The following KALRN variants were observed in gnomAD, a reference collection of about 807,000 sequenced individuals.
KALRN encodes kalirin RhoGEF kinase.
In KALRN, 70 loss-of-function variants were observed where a neutral mutation model predicts 353.7. The observed-to-expected ratio is 0.20, with a 90% confidence interval of 0.16 to 0.24. KALRN has a LOEUF of 0.24. Ranked by LOEUF, KALRN falls within the 10% of genes least tolerant of loss-of-function variation. The probability of loss-of-function intolerance (pLI) is 1.00; values close to 1 mark genes in which losing one functional copy is unlikely to be tolerated. For synonymous variants in KALRN, 1,391 were observed against 1,434.8 expected (o/e 0.97, Z 0.69); for missense variants, 2,791 against 3,756.7 (o/e 0.74, Z 6.72).
At chr3:124,431,547 G>A (rs2093278662) in intron 16 of KALRN, among the ~76,000 whole-genome samples, 1 of 152,082 alleles carries the variant, frequency 6.6e-6, no homozygotes, top group South Asian at 2.1e-4. Context: ...GAAATGGGAC[G>A]TGGGAACTAT....
chr3:124,486,487 GAT>G (rs2062585698), intron 28 of KALRN, among the ~76,000 whole-genome samples: 2 of 152,250 alleles, frequency 1.3e-5, no homozygotes, highest in South Asian at 4.1e-4. Context: ...GCTGAGCACT[GAT>G]CACTTCTCCC....
At position 124,505,177 on chromosome 3, in the gene KALRN, A is replaced by G. The variant is rs1409083423; in HGVS notation, c.4935+8764A>G. Among the ~76,000 whole-genome samples the G allele has an allele frequency of 3.3e-5, 5 of 152,194 alleles. No homozygotes were observed. The East Asian group carries it at 7.7e-4, about 23-fold the overall frequency. On this transcript the variant is annotated intron_variant, in intron 33 of 59. Coordinates refer to ENST00000682506, the MANE Select transcript of KALRN (RefSeq NM_001388419.1). ...AAAAGTTATTTTCATATAGAACAAAATGACTGAATCCACATTGTCAAAACT... is the reference window on the plus strand; with the variant it reads ...AAAAGTTATTTTCATATAGAACAAAGTGACTGAATCCACATTGTCAAAACT...
intron 1 of KALRN, chr3:124,152,125 C>G: frequency 7.7e-7 from 1 of 1,295,794 alleles, no homozygotes; most frequent in Non-Finnish European, 1.1e-6. Flanking sequence ...CATTATAGAT[C>G]TCATGAATCA....
chr3:124,097,163 G>A (rs1351613598), intron 1 of KALRN, among the ~76,000 whole-genome samples: 1 of 152,238 alleles, frequency 6.6e-6, no homozygotes, highest in Non-Finnish European at 1.5e-5. Context: ...TTCAGTTATA[G>A]CAACTTTCCT....
At chr3:124,160,072 A>G (rs892205317) in intron 1 of KALRN, among the ~76,000 whole-genome samples, 4 of 151,602 alleles carry the variant, frequency 2.6e-5, no homozygotes, top group Non-Finnish European at 5.9e-5. Flanking sequence ...GTTCATATCT[A>G]TCTGAAATCT....
chr3:124,355,794 C>T (rs567057064), intron 10 of KALRN, among the ~76,000 whole-genome samples: 2 of 144,734 alleles, frequency 1.4e-5, no homozygotes, highest in East Asian at 4.1e-4. Flanking sequence ...TGGCTCACTG[C>T]AATCTCTGCC....
intron 14 of KALRN, 134 bp downstream of exon 14, chr3:124,413,799 A>C: frequency 1.3e-6 from 1 of 784,118 alleles, no homozygotes; most frequent in Non-Finnish European, 2.0e-6. Flanking sequence ...TTTTACCCAC[A>C]TTTTTTTTAA....
intron 13 of KALRN, among the ~76,000 whole-genome samples, chr3:124,400,048 A>G (rs1052896628): frequency 6.6e-6 from 1 of 152,156 alleles, no homozygotes; most frequent in East Asian, 1.9e-4. Flanking sequence ...TTTCCATTCC[A>G]ACCATCTCTC....
intron 43 of KALRN, 49 bp from the exon 44 acceptor site, chr3:124,660,874 A>G: frequency 7.7e-7 from 1 of 1,298,222 alleles, no homozygotes; most frequent in East Asian, 2.3e-5. Context: ...CAGCTATTTT[A>G]CTAATTTTAC....
At chr3:124,047,903 A>G (rs1318999520) in intron 1 of KALRN, among the ~76,000 whole-genome samples, 1 of 152,170 alleles carries the variant, frequency 6.6e-6, no homozygotes, top group East Asian at 1.9e-4. Flanking sequence ...TAAAGGATAG[A>G]AAAGCCACTG....
At position 124,081,163 on chromosome 3, in the gene KALRN, G is replaced by C. The variant is rs557207720; in HGVS notation, c.73+47350G>C. Among the ~76,000 whole-genome samples the C allele has an allele frequency of 2.6e-5, 4 of 152,320 alleles. No individual in the cohort carries two copies. The South Asian group carries it at 8.3e-4, about 32-fold the overall frequency. ...CTATGACATTCTCCTGTCTACTGTA[G>C]CGGGACTGTCATGGAGGGAAATGAG... On this transcript the variant is annotated intron_variant, in intron 1 of 59. Coordinates refer to ENST00000682506, the MANE Select transcript of KALRN (RefSeq NM_001388419.1).
chr3:124,640,362 CT>C (rs1321677312), intron 37 of KALRN, among the ~76,000 whole-genome samples: 1 of 147,458 alleles, frequency 6.8e-6, no homozygotes, highest in Non-Finnish European at 1.5e-5. Context: ...TCTCGGTTCT[CT>C]GCAACCTCCA....
At position 124,211,713 on chromosome 3, in the gene KALRN, C is replaced by A. The variant is rs1021897178; in HGVS notation, c.74-16277C>A. ...TCTTCATCGCTGCATGATGAGGACT[C>A]ATACCTCTTGGTGACATGTCCTTTC... On this transcript the variant is annotated intron_variant, in intron 1 of 59. Transcript: ENST00000682506. Among the ~76,000 whole-genome samples, 4 of 152,296 alleles carry A rather than the reference C, an allele frequency of 2.6e-5. 1 individual carries two copies. The Middle Eastern group carries it at 0.01, about 389-fold the overall frequency.
chr3:124,259,853 A>G (rs1159321837), intron 3 of KALRN, among the ~76,000 whole-genome samples: 1 of 152,190 alleles, frequency 6.6e-6, no homozygotes, highest in African/African-American at 2.4e-5. Context: ...ACAGGTTTAA[A>G]TAGGGTTGTC....
chr3:124,229,698 T>TG (rs2078950287), intron 2 of KALRN, among the ~76,000 whole-genome samples: 1 of 152,226 alleles, frequency 6.6e-6, no homozygotes, highest in African/African-American at 2.4e-5. Context: ...AGCCTGATGA[T>TG]TCAGAGTGTA....
At chr3:124,478,265 C>T (rs2061613487) in intron 27 of KALRN, among the ~76,000 whole-genome samples, 1 of 152,158 alleles carries the variant, frequency 6.6e-6, no homozygotes, top group Non-Finnish European at 1.5e-5. Context: ...TAAAGGTTAT[C>T]TGTCTATATG....
intron 12 of KALRN, among the ~76,000 whole-genome samples, chr3:124,396,326 T>A (rs2090152589): frequency 6.6e-6 from 1 of 152,196 alleles, no homozygotes; most frequent in African/African-American, 2.4e-5. Flanking sequence ...GGCCCTGGCA[T>A]GTTTTTCTGT....
At chr3:124,277,994 C>CTGTGTGTG (rs1437193234) in intron 5 of KALRN, among the ~76,000 whole-genome samples, 58 of 75,578 alleles carry the variant, frequency 7.7e-4, no homozygotes, top group Middle Eastern at 6.7e-3. Flanking sequence ...CAGAGATGAA[C>CTGTGTGTG]TATGTGTGTG....
rs1161615057 is a variant in KALRN at position 124,496,315 on chromosome 3, G to C, written c.4837G>C (p.Gly1613Arg). ...AKQRNNSKRD[G>R]VEDIDSQGDG... ...TTTTTTCTCTTCTTCCTGCAGGGATGGAGTGGAGGATATTGACAGCCAGGG... is the reference window on the plus strand; with the variant it reads ...TTTTTTCTCTTCTTCCTGCAGGGATCGAGTGGAGGATATTGACAGCCAGGG... The change falls in exon 33 of 60, where the codon GGA becomes CGA. Residue 1613 changes from glycine (G) to arginine (R), a missense_variant. Gly to Arg is a moderately radical substitution (Grantham distance 125). Around this residue, in one of 11 missense-constraint regions of KALRN, gnomAD observed 239 missense variants for 351.3 expected, o/e 0.68. Transcript: ENST00000682506. The C allele has an allele frequency of 1.2e-6, 2 of 1,605,276 alleles. No homozygotes were observed. Among genetic ancestry groups the C allele is most frequent in the African/African-American group, 2.7e-5 (2 of 74,412 alleles).
Sources: gnomAD v4.1 joint callset for allele counts (sites outside exome capture counted in the v4.1 genomes callset) on GRCh38, gnomAD v4.1.1 for gene constraint, gnomAD v4.1.1 regional missense constraint, MANE v1.5 for transcripts, NCBI Gene and HGNC (gene_info 2026-07-23, HGNC 2026-07-21) for gene names.